Variants in PACRG observed in about 807,000 individuals in gnomAD.
PACRG encodes parkin coregulated gene protein.
Under a neutral mutation model 29.7 loss-of-function variants are expected in PACRG, and 29 were observed. The ratio of observed to expected loss-of-function variants is 0.98; its 90% CI spans 0.73 to 1.33. The LOEUF (loss-of-function observed/expected upper bound fraction) is 1.33, where lower values mean the gene tolerates loss of function less well. Ranked by LOEUF, PACRG falls within the 40% of genes most tolerant of loss-of-function variation. The pLI, the probability that PACRG is intolerant of heterozygous loss-of-function variation, is 0.00. For synonymous variants in PACRG, 116 were observed against 118.7 expected, an observed-to-expected ratio of 0.98 and a Z score of 0.15; for missense variants, 279 against 316.2, an observed-to-expected ratio of 0.88 and a Z score of 0.89.
At chr6:163,101,454 A>G in intron 4 of PACRG, 1 of 918,952 alleles carries the variant, frequency 1.1e-6, no homozygotes, top group Non-Finnish European at 1.3e-6. Context: ...AATATGATAA[A>G]CAATCACCTA....
intron 1 of PACRG, among the ~76,000 whole-genome samples, chr6:162,798,364 T>C (rs989758039): frequency 6.6e-6 from 1 of 152,070 alleles, no homozygotes; most frequent in Admixed American, 6.6e-5. Context: ...CCCTCATGAG[T>C]TCTCCCTCAC....
chr6:163,165,880 G>A (rs1013159369), intron 4 of PACRG: 2 of 352,688 alleles, frequency 5.7e-6, no homozygotes, highest in African/African-American at 4.3e-5. Context: ...CAGGGGGAGA[G>A]AACGAATGAA....
chr6:163,018,709 C>G (rs906707732), intron 2 of PACRG, among the ~76,000 whole-genome samples: 1 of 152,080 alleles, frequency 6.6e-6, no homozygotes, highest in South Asian at 2.1e-4. Context: ...ATTAAATTCT[C>G]CAGTAATACG....
chr6:163,007,440 T>C (rs982246241), intron 2 of PACRG, among the ~76,000 whole-genome samples: 6 of 152,220 alleles, frequency 3.9e-5, no homozygotes, highest in Non-Finnish European at 8.8e-5. Flanking sequence ...TCATATTTCT[T>C]GAAGTGCAGA....
At chr6:162,808,990 C>A (rs1304210877) in intron 1 of PACRG, among the ~76,000 whole-genome samples, 1 of 146,942 alleles carries the variant, frequency 6.8e-6, no homozygotes, top group Admixed American at 6.8e-5. Flanking sequence ...TTCTTTATTA[C>A]CATCCCAGAA....
In PACRG at chr6:163,140,969, T is replaced by C. The variant is rs184789942; in HGVS notation, c.613+51561T>C. 2.8e-4 allele frequency among the ~76,000 whole-genome samples: 42 copies of C among 152,320 alleles called. No homozygotes were observed. The Middle Eastern group carries it at 0.01, about 37-fold the overall frequency. ...AATGAGCTGAAAGCTGCTCTTCGAA[T>C]TGGAAGTGTATTTCCAATTGAGAAA... is the stretch of plus-strand genomic sequence containing the variant. On this transcript the variant is annotated intron_variant, in intron 4 of 4. Coordinates refer to ENST00000366888, the MANE Select transcript of PACRG (RefSeq NM_001080379.2).
At chr6:162,794,504 T>G (rs1464850826) in intron 1 of PACRG, among the ~76,000 whole-genome samples, 1 of 152,200 alleles carries the variant, frequency 6.6e-6, no homozygotes, top group Non-Finnish European at 1.5e-5. Context: ...CTATCTTTCT[T>G]AAGAAATCGT....
rs1349168508 is a variant in PACRG, at chr6:163,249,126, T to G, written c.614-65701T>G. On this transcript the variant is annotated intron_variant, in intron 4 of 4. Transcript: ENST00000366888. ...TCAATTTATAGTGCTTTCTTAGCCA[T>G]AACAGAATGAGAAACATGTTTTGAT... Among the ~76,000 whole-genome samples, 3 of 151,118 alleles carry G rather than the reference T, an allele frequency of 2.0e-5. No individual in the cohort carries two copies. In the South Asian group the frequency reaches 6.3e-4, roughly 32 times the overall value.
chr6:163,008,147 C>T (rs982773027), intron 2 of PACRG, among the ~76,000 whole-genome samples: 4 of 152,058 alleles, frequency 2.6e-5, no homozygotes, highest in South Asian at 2.1e-4. Flanking sequence ...CTTTTAGAGT[C>T]CAAGTTTTTC....
At chr6:163,233,781 A>C (rs1009330166) in intron 4 of PACRG, among the ~76,000 whole-genome samples, 4 of 152,236 alleles carry the variant, frequency 2.6e-5, no homozygotes. Flanking sequence ...GATGAGTAAA[A>C]GATAACTTCT....
chr6:162,921,896 A>G (rs964105483), intron 2 of PACRG, among the ~76,000 whole-genome samples: 7 of 152,168 alleles, frequency 4.6e-5, no homozygotes, highest in African/African-American at 1.7e-4. Context: ...GGCAGAGCGG[A>G]CTGCTGAAAG....
At chr6:163,254,028 A>T (rs1783010599) in intron 4 of PACRG, among the ~76,000 whole-genome samples, 1 of 151,816 alleles carries the variant, frequency 6.6e-6, no homozygotes. Flanking sequence ...GGTGTAGAGC[A>T]CAGGGCAGAA....
chr6:162,836,146 A>G (rs1335291599), intron 2 of PACRG, among the ~76,000 whole-genome samples: 1 of 152,082 alleles, frequency 6.6e-6, no homozygotes, highest in East Asian at 1.9e-4. Context: ...GTAATACTTC[A>G]TACATTCATT....
At chr6:163,210,481 C>T (rs1376390833) in intron 4 of PACRG, among the ~76,000 whole-genome samples, 1 of 152,226 alleles carries the variant, frequency 6.6e-6, no homozygotes, top group Non-Finnish European at 1.5e-5. Flanking sequence ...AGAGCACTCA[C>T]CATGGCCTTA....
intron 4 of PACRG, among the ~76,000 whole-genome samples, chr6:163,289,411 A>G (rs964298500): frequency 6.6e-6 from 1 of 152,166 alleles, no homozygotes; most frequent in Non-Finnish European, 1.5e-5. Flanking sequence ...TTCTCATATG[A>G]ATCTTGAGTC....
At chr6:163,245,008 G>A (rs1479185865) in intron 4 of PACRG, 1 of 455,422 alleles carries the variant, frequency 2.2e-6, no homozygotes, top group Admixed American at 2.4e-5. Context: ...CTTGCTCCTT[G>A]TCTTTCTACC....
At chr6:163,050,522 C>T (rs1809890020) in intron 2 of PACRG, among the ~76,000 whole-genome samples, 1 of 152,130 alleles carries the variant, frequency 6.6e-6, no homozygotes, top group African/African-American at 2.4e-5. Flanking sequence ...TTCATCTCAT[C>T]TCTTTGTCCT....
At chr6:162,934,268 A>T (rs1296436830) in intron 2 of PACRG, among the ~76,000 whole-genome samples, 9 of 151,942 alleles carry the variant, frequency 5.9e-5, no homozygotes, top group Admixed American at 5.9e-4. Context: ...CTCAAAAAAA[A>T]AAAATAAATA....
At chr6:163,116,840 G>A (rs1465822647) in intron 4 of PACRG, among the ~76,000 whole-genome samples, 4 of 152,164 alleles carry the variant, frequency 2.6e-5, no homozygotes, top group African/African-American at 9.7e-5. Flanking sequence ...GTGTTAGGAT[G>A]GTGATGCCGT....
Sources: gnomAD v4.1 joint callset for allele counts (sites outside exome capture counted in the v4.1 genomes callset) on GRCh38, gnomAD v4.1.1 for gene constraint, MANE v1.5 for transcripts, NCBI Gene and HGNC (gene_info 2026-07-23, HGNC 2026-07-21) for gene names.